PCSK9: variants seen among roughly 807,000 people sequenced by gnomAD.
PCSK9 encodes proprotein convertase subtilisin/kexin type 9.
Under a neutral mutation model 62.1 loss-of-function variants are expected in PCSK9, and 57 were observed. That is an observed-to-expected ratio of 0.92 (90% CI 0.74 to 1.14). The LOEUF is 1.14. Among genes scored for constraint, PCSK9 ranks in the 50% most tolerant of loss-of-function variants. PCSK9 has a pLI of 0.00. For synonymous variants in PCSK9, 387 were observed against 409.4 expected (o/e 0.95, Z 0.66); for missense variants, 870 against 959.8 (o/e 0.91, Z 1.24).
rs1377720240 is a variant in PCSK9 at position 55,058,645 on chromosome 1, G to A, written c.1501G>A (p.Glu501Lys). 1 of 1,609,050 alleles carries A rather than the reference G, an allele frequency of 6.2e-7. No individual in the cohort carries two copies. The highest frequency in any genetic ancestry group is 8.5e-7 in the Non-Finnish European group (1 of 1,178,954). The change falls in exon 9 of 12, where the codon GAG becomes AAG. Residue 501 changes from glutamate (E) to lysine (K), a missense_variant and splice_region_variant. Coordinates refer to ENST00000302118, the MANE Select transcript of PCSK9 (RefSeq NM_174936.4). ...RSGKRRGERM[E>K]AQGGKLVCRA... ...TGGGAAGCGGCGGGGCGAGCGCATG[G>A]AGGTGACTGTACCCCTCCTTCGTGT...
At chr1:55,061,927 A>G (rs962612421) in intron 11 of PCSK9, among the ~76,000 whole-genome samples, 1 of 152,134 alleles carries the variant, frequency 6.6e-6, no homozygotes, top group Non-Finnish European at 1.5e-5. Flanking sequence ...GGCTCAAGCA[A>G]TCCTCTGGTC....
Position 55,052,149 on chromosome 1 carries a change from G to C in PCSK9, c.524-129G>C, listed in dbSNP as rs1644678549. 2.3e-6 allele frequency: 3 copies of C among 1,303,814 alleles called. No homozygotes were observed. The African/African-American group carries it at 4.4e-5, about 19-fold the overall frequency. The allele number at this position is 1,303,814 out of a possible 1,614,324, so 80.8% of individuals were successfully genotyped here. On this transcript the variant is annotated intron_variant, in intron 3 of 11. Transcript: ENST00000302118. The stretch of plus-strand genomic sequence containing the variant: ...TGTAGTGTGTGAGGATTTTTTGGAG[G>C]TTAAACGAGTGAATATATTTAAGGC...
intron 6 of PCSK9, among the ~76,000 whole-genome samples, chr1:55,056,438 G>C (rs1043421722): frequency 6.6e-6 from 1 of 152,126 alleles, no homozygotes; most frequent in African/African-American, 2.4e-5. Flanking sequence ...ATGCGCCCAC[G>C]TAGCGGCGCC....
chr1:55,059,557 G>A lies in PCSK9; in HGVS notation c.1575G>A (p.Arg525=), dbSNP rs2100330661. The A allele has an allele frequency of 6.4e-7, 1 of 1,557,710 alleles. No individual in the cohort carries two copies. The highest frequency in any genetic ancestry group is 1.7e-4 in the Middle Eastern group (1 of 5,990). Residue 525 remains arginine (R), a synonymous_variant, in exon 10 of 12, where the codon AGG becomes AGA. Coordinates refer to ENST00000302118, the MANE Select transcript of PCSK9 (RefSeq NM_174936.4). ...FGGEGVYAIA[R]CCLLPQANCS... is the part of the protein sequence containing the mutation. ...GTGAGGGTGTCTACGCCATTGCCAGGTGCTGCCTGCTACCCCAGGCCAACT... is the reference window on the plus strand; with the variant it reads ...GTGAGGGTGTCTACGCCATTGCCAGATGCTGCCTGCTACCCCAGGCCAACT...
Position 55,054,435 on chromosome 1 carries a change from C to T in PCSK9, c.800-1558C>T, listed in dbSNP as rs545282338. 2.0e-5 allele frequency among the ~76,000 whole-genome samples: 3 copies of T among 152,294 alleles called. No individual in the cohort carries two copies. In the East Asian group the frequency reaches 5.8e-4, roughly 29 times the overall value. Reference sequence around the variant, plus strand: ...CTGTAAATGTGGCTGTTGTTCTTCACCTCCACACTCAGTGCCACTCCACTC... The same window carrying T: ...CTGTAAATGTGGCTGTTGTTCTTCATCTCCACACTCAGTGCCACTCCACTC... On this transcript the variant is annotated intron_variant, in intron 5 of 11. Coordinates refer to ENST00000302118, the MANE Select transcript of PCSK9 (RefSeq NM_174936.4).
At chr1:55,058,349 A>C (rs2100324805) in intron 8 of PCSK9, 140 bp downstream of exon 8, 1 of 1,500,174 alleles carries the variant, frequency 6.7e-7, no homozygotes, top group East Asian at 2.3e-5. Flanking sequence ...TGGGGCTCTG[A>C]AAGGGCTGTG....
chr1:55,049,797 T>C (rs1386025378), intron 3 of PCSK9, among the ~76,000 whole-genome samples: 1 of 152,158 alleles, frequency 6.6e-6, no homozygotes, highest in Non-Finnish European at 1.5e-5. Context: ...TTAGAAGGTG[T>C]GGGGCTGCCT....
rs1358480437 is a variant in PCSK9, at chr1:55,064,241, G to C, written c.*657G>C. On this transcript the variant is annotated 3_prime_UTR_variant, in exon 12 of 12. Transcript: ENST00000302118. The stretch of plus-strand genomic sequence containing the variant: ...CAGGCTGTGCTAGCAACACCCAAAG[G>C]TGGCCTGCGGGGAGCCATCACCTAG... The C allele has an allele frequency of 6.5e-6, 1 of 153,630 alleles. No individual in the cohort carries two copies. Among genetic ancestry groups the C allele is most frequent in the East Asian group, 1.9e-4 (1 of 5,210 alleles). 9.5% of individuals were successfully genotyped at this position (153,630 alleles called of 1,614,324 possible). A position where few individuals can be genotyped will look rare whatever the true frequency, so the allele number is the denominator to read the frequency against.
intron 3 of PCSK9, among the ~76,000 whole-genome samples, chr1:55,048,260 A>T (rs1426011743): frequency 6.6e-6 from 1 of 152,110 alleles, no homozygotes; most frequent in Non-Finnish European, 1.5e-5. Flanking sequence ...ATTGTCTCAT[A>T]AGGACACTTG....
chr1:55,044,286 A>G (rs1412583328), intron 2 of PCSK9, among the ~76,000 whole-genome samples: 4 of 152,206 alleles, frequency 2.6e-5, no homozygotes, highest in Non-Finnish European at 5.9e-5. Flanking sequence ...AGGGGACCAC[A>G]CAGACAGCTA....
rs1282364327 is a variant in PCSK9, at chr1:55,056,162, C to CCT, written c.972_973dup (p.Tyr325SerfsTer23). 2 of 1,507,800 alleles carry CCT rather than the reference C, an allele frequency of 1.3e-6. No individual in the cohort carries two copies. Among genetic ancestry groups the CCT allele is most frequent in the Non-Finnish European group, 1.8e-6 (2 of 1,118,230 alleles). 93.4% of individuals were successfully genotyped at this position (1,507,800 alleles called of 1,614,324 possible). ...CCGGCAACTTCCGGGACGATGCCTGCCTCTACTCCCCAGCCTCAGCTCCCG... is the reference window on the plus strand; with the variant it reads ...CCGGCAACTTCCGGGACGATGCCTGCCTCTCTACTCCCCAGCCTCAGCTCCCG... On this transcript the variant is annotated frameshift_variant, in exon 6 of 12. Transcript: ENST00000302118. LOFTEE classifies it high-confidence loss of function.
intron 9 of PCSK9, among the ~76,000 whole-genome samples, chr1:55,059,058 G>A (rs949830976): frequency 6.6e-6 from 1 of 152,242 alleles, no homozygotes; most frequent in African/African-American, 2.4e-5. Context: ...TGGAATTGAT[G>A]TTGATGCTAC....
At chr1:55,041,376 C>T (rs1025677436) in intron 1 of PCSK9, among the ~76,000 whole-genome samples, 1 of 152,132 alleles carries the variant, frequency 6.6e-6, no homozygotes, top group Non-Finnish European at 1.5e-5. Flanking sequence ...TTGACTTTCT[C>T]GAGGGATGTT....
At chr1:55,049,454 A>G (rs1436698226) in intron 3 of PCSK9, among the ~76,000 whole-genome samples, 1 of 152,222 alleles carries the variant, frequency 6.6e-6, no homozygotes, top group Non-Finnish European at 1.5e-5. Flanking sequence ...GCCAGAGGCC[A>G]CAGAGCTTTC....
rs1250411955 is a variant in PCSK9 at position 55,064,737 on chromosome 1, C to CCAA, written c.*1155_*1157dup. 1 of 152,168 alleles carries CCAA rather than the reference C, an allele frequency of 6.6e-6. No homozygotes were observed. The highest frequency in any genetic ancestry group is 2.4e-5 in the African/African-American group (1 of 41,432). 9.4% of individuals were successfully genotyped at this position (152,168 alleles called of 1,614,324 possible). A position where few individuals can be genotyped will look rare whatever the true frequency, so the allele number is the denominator to read the frequency against. Reference sequence around the variant, plus strand: ...TGTCCTCTCTGTTGCCTTTTTACAGCCAACTTTTCTAGACCTGTTTTGCTT... The same window carrying CCAA: ...TGTCCTCTCTGTTGCCTTTTTACAGCCAACAACTTTTCTAGACCTGTTTTGCTT... On this transcript the variant is annotated 3_prime_UTR_variant, in exon 12 of 12. Coordinates refer to ENST00000302118, the MANE Select transcript of PCSK9 (RefSeq NM_174936.4).
In PCSK9 at chr1:55,063,656, G is replaced by C; in HGVS notation, c.*72G>C. The C allele has an allele frequency of 1.3e-6, 2 of 1,495,116 alleles. No individual in the cohort carries two copies. Among genetic ancestry groups the C allele is most frequent in the Non-Finnish European group, 1.8e-6 (2 of 1,108,874 alleles). 92.6% of individuals were successfully genotyped at this position (1,495,116 alleles called of 1,614,324 possible). Reference sequence around the variant, plus strand: ...CTGAGCTTTAAAATGGTTCCGACTTGTCCCTCTCTCAGCCCTCCATGGCCT... The same window carrying C: ...CTGAGCTTTAAAATGGTTCCGACTTCTCCCTCTCTCAGCCCTCCATGGCCT... On this transcript the variant is annotated 3_prime_UTR_variant, in exon 12 of 12. Coordinates refer to ENST00000302118, the MANE Select transcript of PCSK9 (RefSeq NM_174936.4).
chr1:55,042,174 T>C (rs28742568), intron 1 of PCSK9, among the ~76,000 whole-genome samples: 58 of 152,260 alleles, frequency 3.8e-4, no homozygotes, highest in African/African-American at 1.3e-3. Flanking sequence ...CGCAAACTCC[T>C]GACCTCCTCA....
intron 5 of PCSK9, among the ~76,000 whole-genome samples, chr1:55,053,129 C>T (rs950526215): frequency 2.6e-5 from 4 of 152,054 alleles, no homozygotes; most frequent in Non-Finnish European, 5.9e-5. Flanking sequence ...TGGAGGGACT[C>T]GAGGTGATCT....
chr1:55,058,576 G>T lies in PCSK9; in HGVS notation c.1432G>T (p.Ala478Ser). ...TRMATAVARC[A>S]PDEELLSCSS... is the part of the protein sequence containing the mutation. ...GATGGCCACAGCCGTCGCCCGCTGC[G>T]CCCCAGATGAGGAGCTGCTGAGCTG... Residue 478 changes from alanine (A) to serine (S), a missense_variant, in exon 9 of 12, where the codon GCC becomes TCC. Coordinates refer to ENST00000302118, the MANE Select transcript of PCSK9 (RefSeq NM_174936.4). 6.2e-7 allele frequency: 1 copy of T among 1,612,054 alleles called. No individual in the cohort carries two copies. The highest frequency in any genetic ancestry group is 8.5e-7 in the Non-Finnish European group (1 of 1,180,014).
Sources: allele counts gnomAD v4.1 joint callset (sites outside exome capture counted in the v4.1 genomes callset), GRCh38; gene constraint gnomAD v4.1.1; transcripts MANE v1.5; gene names NCBI Gene and HGNC (gene_info 2026-07-23, HGNC 2026-07-21).